The following DLC1 variants were observed in gnomAD, a reference collection of about 807,000 sequenced individuals.
DLC1 encodes the protein rho GTPase-activating protein 7.
A neutral mutation model predicts 140.3 loss-of-function variants in DLC1; 54 were observed. The observed-to-expected ratio is 0.38, with a 90% CI of 0.31 to 0.48. DLC1 has a LOEUF of 0.48. DLC1 is among the 20% of genes least tolerant of loss of function. DLC1 has a pLI of 0.96. For synonymous variants in DLC1, 986 were observed against 728.1 expected, an observed-to-expected ratio of 1.35 and a Z score of -5.70; for missense variants, 2,536 against 1,907.0, an observed-to-expected ratio of 1.33 and a Z score of -6.14.
intron 1 of DLC1, among the ~76,000 whole-genome samples, chr8:13,512,964 ACCT>A (rs1333995986): frequency 2.8e-4 from 18 of 63,692 alleles, no homozygotes; most frequent in Non-Finnish European, 4.6e-4. Context: ...TGACAGTTTT[ACCT>A]TTTTTTTTTT....
chr8:13,276,709 G>T, intron 5 of DLC1: 1 of 696,668 alleles, frequency 1.4e-6, no homozygotes, highest in Middle Eastern at 6.0e-4. Flanking sequence ...GTCCGCGCCG[G>T]GCTGCTCCTG....
At chr8:13,373,172 C>T (rs116665190) in intron 4 of DLC1, among the ~76,000 whole-genome samples, 3,346 of 152,092 alleles carry the variant, frequency 0.022, 129 homozygotes, top group African/African-American at 0.074. Flanking sequence ...TGAGCCTGGC[C>T]CCAAATGAGA....
At position 13,187,424 on chromosome 8, in the gene DLC1, T is replaced by C. The variant is rs1005051535; in HGVS notation, c.1349-71767A>G. The stretch of plus-strand genomic sequence containing the variant: ...TCCCATTGGGGCAGAGATTGTGTCA[T>C]GTTAATTTTTCTGATCTTCAGATTT... On this transcript the variant is annotated intron_variant, in intron 5 of 17. Transcript: ENST00000276297. 2.6e-5 allele frequency among the ~76,000 whole-genome samples: 4 copies of C among 152,306 alleles called. No individual in the cohort carries two copies. The East Asian group carries it at 7.7e-4, about 29-fold the overall frequency.
chr8:13,557,076 G>A (rs1804074722), intron 1 of DLC1, among the ~76,000 whole-genome samples: 1 of 152,212 alleles, frequency 6.6e-6, no homozygotes, highest in African/African-American at 2.4e-5. Flanking sequence ...CTGAGTATGA[G>A]ACAGGGGAAA....
chr8:13,386,353 G>A (rs1836519131), intron 4 of DLC1, among the ~76,000 whole-genome samples: 1 of 151,938 alleles, frequency 6.6e-6, no homozygotes, highest in South Asian at 2.1e-4. Flanking sequence ...CTAAACACAA[G>A]GGAGAAAAAC....
At chr8:13,561,933 A>C (rs982049520) in intron 1 of DLC1, among the ~76,000 whole-genome samples, 1 of 152,202 alleles carries the variant, frequency 6.6e-6, no homozygotes, top group Non-Finnish European at 1.5e-5. Context: ...GCAAGAGGCT[A>C]TCTTAACTTA....
rs563546689 is a variant in DLC1 at position 13,099,974 on chromosome 8, T to G, written c.2363A>C (p.Asn788Thr). 245 of 1,612,746 alleles carry G rather than the reference T, an allele frequency of 1.5e-4. 3 individuals carry two copies. In the South Asian group the frequency reaches 2.6e-3, roughly 17 times the overall value. ...GFDPFNQSTF[N>T]NVVEQNFKNR... ...CTTAAAGTTCTGCTCCACCACGTTGTTAAATGTTGACTGATTGAAAGGATC... is the reference window on the plus strand; with the variant it reads ...CTTAAAGTTCTGCTCCACCACGTTGGTAAATGTTGACTGATTGAAAGGATC... Residue 788 changes from asparagine to threonine, a missense_variant, in exon 9 of 18, where the codon AAC (asparagine) becomes ACC (threonine). Transcript: ENST00000276297.
At chr8:13,421,071 C>A (rs912083817) in intron 2 of DLC1, among the ~76,000 whole-genome samples, 2 of 152,136 alleles carry the variant, frequency 1.3e-5, no homozygotes, top group Non-Finnish European at 2.9e-5. Context: ...GAGTTAGCAT[C>A]ATAGCTGTAA....
chr8:13,425,893 C>G (rs1334993939), intron 2 of DLC1, among the ~76,000 whole-genome samples: 1 of 152,128 alleles, frequency 6.6e-6, no homozygotes, highest in Non-Finnish European at 1.5e-5. Flanking sequence ...TGATTGTCCT[C>G]TATTTAGAAC....
intron 2 of DLC1, among the ~76,000 whole-genome samples, chr8:13,482,510 A>G (rs1027643509): frequency 6.6e-6 from 1 of 152,196 alleles, no homozygotes; most frequent in African/African-American, 2.4e-5. Context: ...GAATTGATTC[A>G]GGAATCTTGA....
chr8:13,301,097 C>G (rs1832173512), intron 5 of DLC1, among the ~76,000 whole-genome samples: 1 of 152,054 alleles, frequency 6.6e-6, no homozygotes, highest in African/African-American at 2.4e-5. Flanking sequence ...ACCTCAGGGA[C>G]TGTGGATACA....
chr8:13,252,793 C>G (rs1188269), intron 5 of DLC1, among the ~76,000 whole-genome samples: 60,759 of 151,952 alleles, frequency 0.4, 12,618 homozygotes, highest in East Asian at 0.79. Flanking sequence ...TACACGTGCC[C>G]TCTTAAGGTC....
At chr8:13,300,204 T>C (rs1281310062) in intron 5 of DLC1, among the ~76,000 whole-genome samples, 2 of 152,160 alleles carry the variant, frequency 1.3e-5, no homozygotes, top group Non-Finnish European at 2.9e-5. Flanking sequence ...ACCCCTCATA[T>C]TCTCACTTAT....
intron 5 of DLC1, among the ~76,000 whole-genome samples, chr8:13,171,577 T>C (rs138195111): frequency 3.0e-4 from 45 of 152,146 alleles, no homozygotes; most frequent in African/African-American, 1.0e-3. Context: ...TTCTTTTTTG[T>C]AGAGAAACAA....
At chr8:13,588,710 C>G (rs1017627069) in intron 1 of DLC1, among the ~76,000 whole-genome samples, 7 of 152,072 alleles carry the variant, frequency 4.6e-5, no homozygotes, top group African/African-American at 1.4e-4. Flanking sequence ...ATTATGGCTA[C>G]TTGACTATCT....
At chr8:13,291,589 A>G (rs1831759042) in intron 5 of DLC1, among the ~76,000 whole-genome samples, 1 of 152,208 alleles carries the variant, frequency 6.6e-6, no homozygotes, top group Non-Finnish European at 1.5e-5. Context: ...CATTATGTCC[A>G]TGTCACTTAT....
intron 5 of DLC1, among the ~76,000 whole-genome samples, chr8:13,185,122 C>CTTTTTTTTTTTTTTTTTTTTTT (rs1193667992): frequency 2.4e-5 from 2 of 84,568 alleles, no homozygotes; most frequent in African/African-American, 1.0e-4. Context: ...GCAACCCCTG[C>CTTTTTTTTTTTTTTTTTTTTTT]TTTTTTTTTT....
At chr8:13,413,329 ATTC>A (rs1422546635) in intron 2 of DLC1, among the ~76,000 whole-genome samples, 41 of 129,098 alleles carry the variant, frequency 3.2e-4, no homozygotes, top group African/African-American at 8.1e-4. Flanking sequence ...GCCCAAGATA[ATTC>A]TTCTTCTTCC....
chr8:13,090,284 T>G lies in DLC1; in HGVS notation c.4042A>C (p.Thr1348Pro). 1 of 1,614,140 alleles carries G rather than the reference T, an allele frequency of 6.2e-7. No individual in the cohort carries two copies. Among genetic ancestry groups the G allele is most frequent in the Non-Finnish European group, 8.5e-7 (1 of 1,180,014 alleles). ...EKFKGWVSYS[T>P]SEQAELSYKK... ...TAGGACAGCTCAGCCTGCTCCGAAGTGGAGTAGCTGACCCAGCCTTTAAAC... is the reference window on the plus strand; with the variant it reads ...TAGGACAGCTCAGCCTGCTCCGAAGGGGAGTAGCTGACCCAGCCTTTAAAC... The change falls in exon 15 of 18, where the codon ACT (threonine) becomes CCT (proline). Residue 1348 changes from threonine to proline, a missense_variant. Coordinates refer to ENST00000276297, the MANE Select transcript of DLC1 (RefSeq NM_182643.3).
Sources: gnomAD v4.1 joint callset for allele counts (sites outside exome capture counted in the v4.1 genomes callset) on GRCh38, gnomAD v4.1.1 for gene constraint, MANE v1.5 for transcripts, NCBI Gene and HGNC (gene_info 2026-07-23, HGNC 2026-07-21) for gene names.